Variants in FSIP1 observed in about 807,000 individuals in gnomAD.
FSIP1 encodes the protein fibrous sheath-interacting protein 1.
A neutral mutation model predicts 60.9 loss-of-function variants in FSIP1; 65 were observed. The observed-to-expected ratio is 1.07, with a 90% CI of 0.87 to 1.31. FSIP1 has a LOEUF of 1.31. Ranked by LOEUF, FSIP1 falls within the 40% of genes most tolerant of loss-of-function variation. The pLI is 0.00. For missense variants in FSIP1, 675 were observed against 665.5 expected, an observed-to-expected ratio of 1.01 and a Z score of -0.16; for synonymous variants, 209 against 221.2, an observed-to-expected ratio of 0.94 and a Z score of 0.49.
Position 39,629,510 on chromosome 15 carries a change from G to A in FSIP1, c.1189-11265C>T, listed in dbSNP as rs115099389. Among the ~76,000 whole-genome samples, 947 of 152,270 alleles carry A rather than the reference G, an allele frequency of 6.2e-3. 10 individuals are homozygous for A. Among genetic ancestry groups the A allele is most frequent in the African/African-American group, 0.021 (881 of 41,556 alleles). On this transcript the variant is annotated intron_variant, in intron 10 of 11. Coordinates refer to ENST00000350221, the MANE Select transcript of FSIP1 (RefSeq NM_152597.5). The stretch of plus-strand genomic sequence containing the variant: ...TCCCATGTTCCACGCACAGGGGCAC[G>A]TGCCCCATTAGTCAGTTTTTCTCTT...
At chr15:39,674,812 T>C (rs181876282) in intron 10 of FSIP1, among the ~76,000 whole-genome samples, 16 of 152,280 alleles carry the variant, frequency 1.1e-4, no homozygotes, top group Non-Finnish European at 2.1e-4. Context: ...AAAGTACCCA[T>C]TATAAAACAA....
At chr15:39,626,956 G>A (rs1247139512) in intron 10 of FSIP1, among the ~76,000 whole-genome samples, 1 of 150,668 alleles carries the variant, frequency 6.6e-6, no homozygotes, top group Admixed American at 6.6e-5. Flanking sequence ...TCTCACTAGT[G>A]TAGCACTATC....
intron 9 of FSIP1, among the ~76,000 whole-genome samples, 184 bp downstream of exon 9, chr15:39,726,405 C>T (rs938498238): frequency 1.3e-5 from 2 of 151,788 alleles, no homozygotes; most frequent in Admixed American, 6.6e-5. Context: ...CCTCAGTGAC[C>T]GCATCCCAGA....
At position 39,721,738 on chromosome 15, in the gene FSIP1, C is replaced by T. The variant is rs182302301; in HGVS notation, c.1050+4851G>A. The stretch of plus-strand genomic sequence containing the variant: ...ACTGCAGCAAACCGGAGAATCTGTG[C>T]CCCATAGAAAGAGCAGTTGCTATTC... On this transcript the variant is annotated intron_variant, in intron 9 of 11. Coordinates refer to ENST00000350221, the MANE Select transcript of FSIP1 (RefSeq NM_152597.5). Among the ~76,000 whole-genome samples the T allele has an allele frequency of 1.0e-3, 156 of 152,300 alleles. 3 individuals are homozygous for T. Among genetic ancestry groups the T allele is most frequent in the Non-Finnish European group, 3.5e-4 (24 of 68,030 alleles).
intron 10 of FSIP1, among the ~76,000 whole-genome samples, chr15:39,647,406 A>G (rs1273878011): frequency 6.6e-6 from 1 of 151,586 alleles, no homozygotes; most frequent in Non-Finnish European, 1.5e-5. Context: ...TTTGGTGGTC[A>G]AAAAAAAGAG....
chr15:39,646,520 CAAAAAA>C (rs71132108), intron 10 of FSIP1, among the ~76,000 whole-genome samples: 9 of 27,116 alleles, frequency 3.3e-4, no homozygotes, highest in East Asian at 3.5e-3. Context: ...CTCATCTCTA[CAAAAAA>C]AAAAAAAAAA....
intron 10 of FSIP1, among the ~76,000 whole-genome samples, chr15:39,689,720 ATACT>A (rs1341821515): frequency 1.3e-5 from 2 of 152,236 alleles, no homozygotes; most frequent in Non-Finnish European, 2.9e-5. Context: ...AATATCACAC[ATACT>A]TAATCAAATT....
intron 10 of FSIP1, among the ~76,000 whole-genome samples, chr15:39,618,489 T>C (rs1156503704): frequency 6.9e-6 from 1 of 145,444 alleles, no homozygotes; most frequent in Non-Finnish European, 1.5e-5. Flanking sequence ...ACCATCCAAT[T>C]CCTTACTGGG....
At chr15:39,659,668 T>C (rs997609951) in intron 10 of FSIP1, among the ~76,000 whole-genome samples, 2 of 151,426 alleles carry the variant, frequency 1.3e-5, no homozygotes, top group African/African-American at 4.8e-5. Context: ...AAATCCTTCC[T>C]GAACTTCCTT....
chr15:39,777,871 C>CT (rs1483328843), intron 1 of FSIP1, among the ~76,000 whole-genome samples: 5 of 152,262 alleles, frequency 3.3e-5, no homozygotes, highest in Admixed American at 2.0e-4. Context: ...ACTCATCTTT[C>CT]TTTTGCTTTT....
At chr15:39,720,405 T>A (rs1895905867) in intron 9 of FSIP1, among the ~76,000 whole-genome samples, 1 of 152,118 alleles carries the variant, frequency 6.6e-6, no homozygotes, top group South Asian at 2.1e-4. Context: ...TAAATCAAAT[T>A]AAGGAGGACC....
At chr15:39,700,492 A>T (rs1906155) in intron 10 of FSIP1, among the ~76,000 whole-genome samples, 105,181 of 151,860 alleles carry the variant, frequency 0.69, 37,958 homozygotes, top group Non-Finnish European at 0.82. Context: ...TGTTTTGTCT[A>T]TGTGACAGAC....
chr15:39,776,084 G>A (rs372025998), intron 2 of FSIP1, among the ~76,000 whole-genome samples: 1 of 134,688 alleles, frequency 7.4e-6, no homozygotes, highest in Admixed American at 7.9e-5. Context: ...ACAGTGCAGA[G>A]AAATAAACCA....
intron 8 of FSIP1, among the ~76,000 whole-genome samples, chr15:39,734,839 T>C (rs1566906884): frequency 6.6e-6 from 1 of 151,850 alleles, no homozygotes. Flanking sequence ...GAAGAAACAA[T>C]TAAAGATAAA....
intron 8 of FSIP1, among the ~76,000 whole-genome samples, chr15:39,737,719 T>C (rs951994568): frequency 6.6e-6 from 1 of 152,214 alleles, no homozygotes; most frequent in African/African-American, 2.4e-5. Flanking sequence ...AGGTTTGTTA[T>C]ACAGGTAAAT....
At chr15:39,615,508 A>T (rs1891193161) in intron 11 of FSIP1, among the ~76,000 whole-genome samples, 1 of 152,102 alleles carries the variant, frequency 6.6e-6, no homozygotes, top group African/African-American at 2.4e-5. Flanking sequence ...TCATGAAAAA[A>T]TACTTAGCAT....
At chr15:39,674,289 T>G (rs551965554) in intron 10 of FSIP1, among the ~76,000 whole-genome samples, 7 of 152,064 alleles carry the variant, frequency 4.6e-5, no homozygotes, top group Admixed American at 4.6e-4. Context: ...CTCCTGACCT[T>G]GTGATCCGCC....
intron 8 of FSIP1, among the ~76,000 whole-genome samples, chr15:39,735,467 C>T (rs1045961634): frequency 4.6e-5 from 7 of 152,090 alleles, no homozygotes; most frequent in Middle Eastern, 3.2e-3. Context: ...TTTTTAATGG[C>T]ATACCTGTAA....
At chr15:39,753,111 A>G (rs527385872) in intron 5 of FSIP1, among the ~76,000 whole-genome samples, 1 of 152,256 alleles carries the variant, frequency 6.6e-6, no homozygotes, top group South Asian at 2.1e-4. Context: ...ACATGGATGC[A>G]TTGCCAAAAT....
Sources: gnomAD v4.1 joint callset for allele counts (sites outside exome capture counted in the v4.1 genomes callset) on GRCh38, gnomAD v4.1.1 for gene constraint, MANE v1.5 for transcripts, NCBI Gene and HGNC (gene_info 2026-07-23, HGNC 2026-07-21) for gene names.